GARIN1B: variants seen among roughly 807,000 people sequenced by gnomAD.
The protein encoded by GARIN1B is golgi associated RAB2 interactor 1B, also known as Golgi-associated RAB2 interactor protein 1B.
chr7:128,710,937 C>A, the GARIN1B span, among the ~76,000 whole-genome samples: 386 of 152,248 alleles, frequency 2.5e-3, no homozygotes, highest in African/African-American at 8.9e-3. Context: ...AGATTACAGG[C>A]GTGAGCCACT....
At chr7:128,729,980 G>A in the GARIN1B span, 3 of 1,614,076 alleles carry the variant, frequency 1.9e-6, no homozygotes, top group African/African-American at 4.0e-5. Flanking sequence ...TACGGAGAGT[G>A]GGAAAGAGAG....
the GARIN1B span, chr7:128,713,786 A>T: frequency 2.4e-6 from 1 of 410,340 alleles, no homozygotes; most frequent in Admixed American, 3.5e-5. Context: ...TGACTCTTGG[A>T]TGTCTCAGTG....
chr7:128,725,602 C>T, the GARIN1B span, among the ~76,000 whole-genome samples: 2 of 152,158 alleles, frequency 1.3e-5, no homozygotes, highest in African/African-American at 2.4e-5. Context: ...AAACTCCTGG[C>T]CTTATGTGAT....
At chr7:128,723,352 T>A in the GARIN1B span, 1 of 1,600,310 alleles carries the variant, frequency 6.2e-7, no homozygotes, top group South Asian at 1.1e-5. Flanking sequence ...CCTCTGACAT[T>A]CCCTCCTGCA....
At chr7:128,730,124 T>A in the GARIN1B span, 1 of 1,573,110 alleles carries the variant, frequency 6.4e-7, no homozygotes, top group Non-Finnish European at 8.7e-7. Context: ...GCATTCAGCC[T>A]CAGGGCTGGG....
At chr7:128,722,714 G>A in the GARIN1B span, among the ~76,000 whole-genome samples, 1 of 151,836 alleles carries the variant, frequency 6.6e-6, no homozygotes, top group Non-Finnish European at 1.5e-5. Context: ...TGAGGCAGGA[G>A]AATCGTCTGA....
the GARIN1B span, among the ~76,000 whole-genome samples, chr7:128,725,924 A>G: frequency 6.6e-6 from 1 of 152,222 alleles, no homozygotes; most frequent in Non-Finnish European, 1.5e-5. Flanking sequence ...GAGGAGGCTA[A>G]GGTCTGAAGG....
the GARIN1B span, chr7:128,718,944 C>G: frequency 1.9e-6 from 3 of 1,614,092 alleles, no homozygotes; most frequent in Non-Finnish European, 2.5e-6. Context: ...CCTGACCATC[C>G]TGAGACTGTC....
At chr7:128,714,089 G>A in the GARIN1B span, 1 of 1,535,938 alleles carries the variant, frequency 6.5e-7, no homozygotes, top group Non-Finnish European at 8.7e-7. Flanking sequence ...TGGAGCAGGG[G>A]TGTGATCTGA....
the GARIN1B span, among the ~76,000 whole-genome samples, chr7:128,714,655 G>T: frequency 9.2e-5 from 14 of 152,064 alleles, no homozygotes; most frequent in African/African-American, 3.1e-4. Context: ...ATAGTGGTCA[G>T]CCTGCTTGGT....
At chr7:128,725,868 C>T in the GARIN1B span, among the ~76,000 whole-genome samples, 2 of 152,186 alleles carry the variant, frequency 1.3e-5, no homozygotes, top group South Asian at 4.1e-4. Context: ...TGGGGGCCTA[C>T]TGGCACTCTC....
the GARIN1B span, chr7:128,724,878 C>T: frequency 2.6e-5 from 33 of 1,285,304 alleles, no homozygotes; most frequent in African/African-American, 1.1e-4. Flanking sequence ...CTTATAGCAA[C>T]GAAGAGCTCG....
the GARIN1B span, among the ~76,000 whole-genome samples, chr7:128,728,286 A>G: frequency 6.6e-6 from 1 of 152,180 alleles, no homozygotes; most frequent in Non-Finnish European, 1.5e-5. Context: ...TACTAAAAAT[A>G]CAAAAATTGG....
chr7:128,719,972 T>G, the GARIN1B span, among the ~76,000 whole-genome samples: 1 of 152,020 alleles, frequency 6.6e-6, no homozygotes, highest in Non-Finnish European at 1.5e-5. Context: ...AGTGCTGGGG[T>G]TACAGGCGTG....
the GARIN1B span, among the ~76,000 whole-genome samples, chr7:128,725,381 T>TTC: frequency 1.4e-5 from 2 of 143,742 alleles, no homozygotes; most frequent in African/African-American, 2.6e-5. Context: ...TTCCTTCCTT[T>TTC]TTCTTTCTTT....
At chr7:128,721,514 A>C in the GARIN1B span, among the ~76,000 whole-genome samples, 1 of 150,268 alleles carries the variant, frequency 6.7e-6, no homozygotes, top group Non-Finnish European at 1.5e-5. Context: ...TACACACACC[A>C]CACACACACA....
chr7:128,724,946 G>A, the GARIN1B span: 1 of 1,126,354 alleles, frequency 8.9e-7, no homozygotes, highest in Non-Finnish European at 1.1e-6. Flanking sequence ...TCGAAACCTG[G>A]GGGCTCAGTC....
chr7:128,727,780 C>T, the GARIN1B span, among the ~76,000 whole-genome samples: 1 of 152,150 alleles, frequency 6.6e-6, no homozygotes, highest in Admixed American at 6.5e-5. Context: ...CTAAATCCTC[C>T]CTATCCTTCT....
the GARIN1B span, chr7:128,724,745 G>C: frequency 7.8e-7 from 1 of 1,289,528 alleles, no homozygotes; most frequent in African/African-American, 1.5e-5. Flanking sequence ...TGAGGTGTCA[G>C]AGAGGAGAAT....
Sources: gnomAD v4.1 joint callset for allele counts (sites outside exome capture counted in the v4.1 genomes callset) on GRCh38, gnomAD v4.1.1 for gene constraint, MANE v1.5 for transcripts, NCBI Gene and HGNC (gene_info 2026-07-23, HGNC 2026-07-21) for gene names.